Variants in MNT observed in about 807,000 individuals in gnomAD.
MNT encodes MAX network transcriptional repressor, also known as max-binding protein MNT.
In MNT, 13 loss-of-function variants were observed where a neutral mutation model predicts 40.7. The observed-to-expected ratio is 0.32, with a 90% CI of 0.21 to 0.51. MNT has a LOEUF of 0.51. Among genes scored for constraint, MNT ranks in the 20% least tolerant of loss-of-function variants. The probability of loss-of-function intolerance (pLI) is 0.98; values close to 1 mark genes in which losing one functional copy is unlikely to be tolerated. For synonymous variants in MNT, 426 were observed against 354.8 expected (o/e 1.20, Z -2.26); for missense variants, 757 against 792.0 (o/e 0.96, Z 0.53).
chr17:2,395,127 G>C lies in MNT; in HGVS notation c.401C>G (p.Pro134Arg). ...CTGCGGCCTGCTGGGCAGGGGGGCA[G>C]GCTCCTTAATGCTGAGTCCGGGGGC... ...VGAPGLSIKEPAPLPSRPQVP... is the reference protein window; with the variant it reads ...VGAPGLSIKERAPLPSRPQVP... The change falls in exon 2 of 6, where the codon CCT becomes CGT. Residue 134 changes from proline to arginine, a missense_variant. This residue lies in a region of MNT where 335 missense variants were observed against 291.4 expected (regional missense o/e 1.15). Transcript: ENST00000174618. 1 of 1,477,868 alleles carries C rather than the reference G, an allele frequency of 6.8e-7. No homozygotes were observed. The highest frequency in any genetic ancestry group is 9.0e-7 in the Non-Finnish European group (1 of 1,116,438). 91.5% of individuals were successfully genotyped at this position (1,477,868 alleles called of 1,614,324 possible). A position where few individuals can be genotyped will look rare whatever the true frequency, so the allele number is the denominator to read the frequency against.
Position 2,387,577 on chromosome 17 carries a change from C to T in MNT, c.1073G>A (p.Arg358His), listed in dbSNP as rs563339380. Residue 358 changes from arginine to histidine, a missense_variant, in exon 6 of 6, where the codon CGT (arginine) becomes CAT (histidine). Coordinates refer to ENST00000174618, the MANE Select transcript of MNT (RefSeq NM_020310.3). ...GGACTTCAGCAGCTCCGGCTGGGGA[C>T]GATGGCTCAGCTTAGGTGGGCCCAG... ...AGLGPPKLSH[R>H]PQPELLKSTL... The T allele has an allele frequency of 2.2e-5, 36 of 1,614,022 alleles. No homozygotes were observed. Among genetic ancestry groups the T allele is most frequent in the Admixed American group, 2.2e-4 (13 of 60,012 alleles).
intron 1 of MNT, 91 bp from the exon 2 acceptor site, chr17:2,395,545 C>T: frequency 1.3e-6 from 2 of 1,568,168 alleles, no homozygotes; most frequent in African/African-American, 1.3e-5. Flanking sequence ...CCAGTCAGTA[C>T]TCAGTGACAC....
intron 4 of MNT, among the ~76,000 whole-genome samples, chr17:2,393,336 G>A (rs973097642): frequency 3.3e-5 from 5 of 152,176 alleles, no homozygotes; most frequent in South Asian, 2.1e-4. Flanking sequence ...ACTGCAGAGG[G>A]AGCGACGCCC....
chr17:2,395,141 G>T lies in MNT; in HGVS notation c.387C>A (p.Leu129=). 1 of 1,463,134 alleles carries T rather than the reference G, an allele frequency of 6.8e-7. No individual in the cohort carries two copies. The allele number at this position is 1,463,134 out of a possible 1,614,324, so 90.6% of individuals were successfully genotyped here. ...RQPALVGAPG[L]SIKEPAPLPS... Reference sequence around the variant, plus strand: ...GCAGGGGGGCAGGCTCCTTAATGCTGAGTCCGGGGGCGCCAACCAGGGCCG... The same window carrying T: ...GCAGGGGGGCAGGCTCCTTAATGCTTAGTCCGGGGGCGCCAACCAGGGCCG... The change falls in exon 2 of 6, where the codon CTC becomes CTA. Residue 129 remains leucine (L), a synonymous_variant. Coordinates refer to ENST00000174618, the MANE Select transcript of MNT (RefSeq NM_020310.3).
intron 3 of MNT, 72 bp from the exon 4 acceptor site, chr17:2,394,226 A>C: frequency 6.3e-7 from 1 of 1,587,604 alleles, no homozygotes; most frequent in Non-Finnish European, 8.6e-7. Context: ...AGGACCGGGG[A>C]AGCTGGGGCC....
chr17:2,386,685 G>T lies in MNT; in HGVS notation c.*216C>A. The T allele has an allele frequency of 2.1e-6, 1 of 482,580 alleles. No individual in the cohort carries two copies. Among genetic ancestry groups the T allele is most frequent in the Non-Finnish European group, 3.6e-6 (1 of 278,214 alleles). The allele number at this position is 482,580 out of a possible 1,614,324, so 29.9% of individuals were successfully genotyped here. Reference sequence around the variant, plus strand: ...AGGTGGCACATTCCATCAGAGTCTCGCATTTTCTCAGAGTCATCTTACCAA... The same window carrying T: ...AGGTGGCACATTCCATCAGAGTCTCTCATTTTCTCAGAGTCATCTTACCAA... On this transcript the variant is annotated 3_prime_UTR_variant, in exon 6 of 6. Coordinates refer to ENST00000174618, the MANE Select transcript of MNT (RefSeq NM_020310.3).
intron 4 of MNT, among the ~76,000 whole-genome samples, chr17:2,388,619 C>T (rs544081423): frequency 1.3e-5 from 2 of 152,190 alleles, no homozygotes; most frequent in Admixed American, 1.3e-4. Context: ...CGACGAGGCT[C>T]CATTTACATG....
chr17:2,393,915 C>T, intron 4 of MNT, 128 bp downstream of exon 4: 1 of 500,710 alleles, frequency 2.0e-6, no homozygotes, highest in Non-Finnish European at 3.2e-6. Context: ...GCTCAGCGCC[C>T]GCGTGGAGGT....
In MNT at chr17:2,395,231, C is replaced by T; in HGVS notation, c.297G>A (p.Gln99=). Residue 99 remains glutamine, a synonymous_variant, in exon 2 of 6, where the codon CAG becomes CAA. Transcript: ENST00000174618. ...GCAAGGGTGGGGGTGGGGGTAGAGG[C>T]TGAGGGGAGTTGGTCACCACAGGGA... is the stretch of plus-strand genomic sequence containing the variant. ...IPIPVVTNSP[Q]PLPPPPPLPA... The T allele has an allele frequency of 6.7e-7, 1 of 1,490,794 alleles. No homozygotes were observed. The highest frequency in any genetic ancestry group is 8.9e-7 in the Non-Finnish European group (1 of 1,120,788). The allele number at this position is 1,490,794 out of a possible 1,614,324, so 92.3% of individuals were successfully genotyped here.
In MNT at chr17:2,395,050, T is replaced by G; in HGVS notation, c.478A>C (p.Asn160His). 1 of 1,569,802 alleles carries G rather than the reference T, an allele frequency of 6.4e-7. No homozygotes were observed. The highest frequency in any genetic ancestry group is 8.6e-7 in the Non-Finnish European group (1 of 1,158,968). Residue 160 changes from asparagine to histidine, a missense_variant, in exon 2 of 6, where the codon AAT becomes CAT. Asn to His is a moderately conservative substitution (Grantham distance 68). This residue lies in a region of MNT where 335 missense variants were observed against 291.4 expected (regional missense o/e 1.15). Transcript: ENST00000174618. ...GGCTGCAAAGGCTTGGGGCTGCCAT[T>G]GGGTGGAATGGTGGCCTTCGAGTCC... ...LPDSKATIPP[N>H]GSPKPLQPLP...
Position 2,387,491 on chromosome 17 carries a change from G to A in MNT, c.1159C>T (p.His387Tyr), listed in dbSNP as rs151061793. 12 of 1,612,768 alleles carry A rather than the reference G, an allele frequency of 7.4e-6. No individual in the cohort carries two copies. In the African/African-American group the frequency reaches 1.5e-4, roughly 20 times the overall value. Residue 387 changes from histidine (H) to tyrosine (Y), a missense_variant, in exon 6 of 6, where the codon CAC (histidine) becomes TAC (tyrosine). By Grantham distance (83) the His-to-Tyr change is moderately conservative. Transcript: ENST00000174618. ...PLPPHPHPHP[H>Y]SVALPPAHLP... The stretch of plus-strand genomic sequence containing the variant: ...TGGGCAGGAGGTAGGGCCACGGAGT[G>A]GGGGTGAGGGTGTGGGTGTGGAGGC...
chr17:2,388,454 T>C (rs903802573), intron 4 of MNT, among the ~76,000 whole-genome samples: 15 of 152,058 alleles, frequency 9.9e-5, no homozygotes, highest in African/African-American at 3.1e-4. Context: ...CTTGTCTCCC[T>C]GGTAACATCA....
chr17:2,392,094 G>C (rs1419836790), intron 4 of MNT: 1 of 152,180 alleles, frequency 6.6e-6, no homozygotes, highest in African/African-American at 2.4e-5. Context: ...TCCCTCCCCA[G>C]AACAGATCCC....
intron 1 of MNT, 105 bp downstream of exon 1, chr17:2,400,535 G>A (rs2066607744): frequency 1.7e-6 from 2 of 1,180,440 alleles, no homozygotes; most frequent in Middle Eastern, 2.0e-4. Flanking sequence ...AGGCTCCGCA[G>A]GCCGCCCGGG....
chr17:2,399,321 T>C (rs138242166), intron 1 of MNT, among the ~76,000 whole-genome samples: 2,142 of 152,204 alleles, frequency 0.014, 20 homozygotes, highest in Middle Eastern at 0.041. Context: ...CGCGTGAAGA[T>C]AGGAGTCATT....
rs1013923377 is a variant in MNT at position 2,400,763 on chromosome 17, G to A, written c.-51C>T. ...CCGGGGCCGAGGCTGCGGCCCGCGA[G>A]CCGGGCACAGGTCAGGCTGGCGGGC... On this transcript the variant is annotated 5_prime_UTR_variant, in exon 1 of 6. Coordinates refer to ENST00000174618, the MANE Select transcript of MNT (RefSeq NM_020310.3). 6.8e-7 allele frequency: 1 copy of A among 1,472,712 alleles called. No homozygotes were observed. Among genetic ancestry groups the A allele is most frequent in the Admixed American group, 2.5e-5 (1 of 39,970 alleles). 91.2% of individuals were successfully genotyped at this position (1,472,712 alleles called of 1,614,324 possible).
chr17:2,385,855 C>T lies in MNT; in HGVS notation c.*1046G>A, dbSNP rs948413669. The T allele has an allele frequency of 6.6e-6, 1 of 152,306 alleles. No individual in the cohort carries two copies. The highest frequency in any genetic ancestry group is 1.5e-5 in the Non-Finnish European group (1 of 68,092). 9.4% of individuals were successfully genotyped at this position (152,306 alleles called of 1,614,324 possible). On this transcript the variant is annotated 3_prime_UTR_variant, in exon 6 of 6. Coordinates refer to ENST00000174618, the MANE Select transcript of MNT (RefSeq NM_020310.3). ...GTCTCAACGATGTGGCTTCTATGCT[C>T]CTGGAAACAAGACCAGATGCTGGTC...
chr17:2,386,711 G>A lies in MNT; in HGVS notation c.*190C>T. ...CATTTTCTCAGAGTCATCTTACCAA[G>A]TCCTAGTGCAGCAGGGTGGCCCTTC... On this transcript the variant is annotated 3_prime_UTR_variant, in exon 6 of 6. Coordinates refer to ENST00000174618, the MANE Select transcript of MNT (RefSeq NM_020310.3). 1.8e-6 allele frequency: 1 copy of A among 541,700 alleles called. No individual in the cohort carries two copies. 33.6% of individuals were successfully genotyped at this position (541,700 alleles called of 1,614,324 possible). A position where few individuals can be genotyped will look rare whatever the true frequency, so the allele number is the denominator to read the frequency against.
At chr17:2,397,830 T>C (rs2066587958) in intron 1 of MNT, among the ~76,000 whole-genome samples, 1 of 152,208 alleles carries the variant, frequency 6.6e-6, no homozygotes, top group African/African-American at 2.4e-5. Flanking sequence ...CACCCTGCGC[T>C]TAGGCTCTTT....
Sources: gnomAD v4.1 joint callset for allele counts (sites outside exome capture counted in the v4.1 genomes callset) on GRCh38, gnomAD v4.1.1 for gene constraint, gnomAD v4.1.1 regional missense constraint, MANE v1.5 for transcripts, NCBI Gene and HGNC (gene_info 2026-07-23, HGNC 2026-07-21) for gene names.